The following COL5A1 variants were observed in gnomAD, a reference collection of about 807,000 sequenced individuals.
COL5A1 encodes the protein collagen type V alpha 1 chain.
In COL5A1, 16 loss-of-function variants were observed where a neutral mutation model predicts 263.7. The observed-to-expected ratio is 0.06, with a 90% CI of 0.04 to 0.09. The LOEUF (loss-of-function observed/expected upper bound fraction) is 0.09. COL5A1 is among the 10% of genes least tolerant of loss of function. The pLI is 1.00. For missense variants in COL5A1, 2,036 were observed against 2,540.5 expected (o/e 0.80, Z 4.27); for synonymous variants, 1,012 against 1,004.5 (o/e 1.01, Z -0.14).
At chr9:134,749,279 T>C (rs150853035) in intron 11 of COL5A1, among the ~76,000 whole-genome samples, 1,529 of 152,298 alleles carry the variant, frequency 0.01, 12 homozygotes, top group Middle Eastern at 0.02. Context: ...CACAGCCTCA[T>C]AGTGATGAAT....
chr9:134,668,426 G>A (rs77073881), intron 1 of COL5A1, among the ~76,000 whole-genome samples: 6 of 152,238 alleles, frequency 3.9e-5, no homozygotes, highest in East Asian at 1.9e-4. Flanking sequence ...TGGTCTTTGC[G>A]TGAGGCATTT....
chr9:134,804,845 T>G, intron 39 of COL5A1, 130 bp from the exon 40 acceptor site: 2 of 792,850 alleles, frequency 2.5e-6, no homozygotes, highest in Non-Finnish European at 4.3e-6. Flanking sequence ...TTGGCCTCGC[T>G]CTGGGACTGG....
In COL5A1 at chr9:134,642,705, T is replaced by C. The variant is rs912045457; in HGVS notation, c.109+409T>C. On this transcript the variant is annotated intron_variant, in intron 1 of 65. Coordinates refer to ENST00000371817, the MANE Select transcript of COL5A1 (RefSeq NM_000093.5). This position sits in a 1 kb window ranked among gnomAD's most constrained non-coding sequence, Gnocchi z 4.5. ...CTCCAAACCGGGCAGGGCCGCCCCC[T>C]AGAGTTACAGCCCTTCAAATCCCGG... 1.7e-4 allele frequency among the ~76,000 whole-genome samples: 26 copies of C among 152,148 alleles called. No homozygotes were observed. The highest frequency in any genetic ancestry group is 6.3e-4 in the African/African-American group (26 of 41,448).
At position 134,765,286 on chromosome 9, in the gene COL5A1, C is replaced by T. The variant is rs796905253; in HGVS notation, c.2035-395C>T. On this transcript the variant is annotated intron_variant, in intron 20 of 65. Transcript: ENST00000371817. This position sits in a 1 kb window ranked among gnomAD's most constrained non-coding sequence, Gnocchi z 5.1. ...GTCGCTGCGGAGGGGAATTCAGGAG[C>T]GAGCCGGTAATGAGGATAGGGCACA... Among the ~76,000 whole-genome samples, 14 of 152,218 alleles carry T rather than the reference C, an allele frequency of 9.2e-5. No individual in the cohort carries two copies. Among genetic ancestry groups the T allele is most frequent in the African/African-American group, 2.9e-4 (12 of 41,520 alleles).
intron 1 of COL5A1, among the ~76,000 whole-genome samples, chr9:134,645,706 C>T (rs1831453868): frequency 6.6e-6 from 1 of 152,238 alleles, no homozygotes; most frequent in African/African-American, 2.4e-5. Flanking sequence ...AGATGTCTTC[C>T]ATTCCTGCTG....
At chr9:134,707,486 G>A (rs1238436113) in intron 4 of COL5A1, among the ~76,000 whole-genome samples, 1 of 150,832 alleles carries the variant, frequency 6.6e-6, no homozygotes, top group East Asian at 2.0e-4. Flanking sequence ...GGGCAGGAGT[G>A]GGGCCTGTGC....
chr9:134,710,064 G>A (rs936271822), intron 4 of COL5A1, among the ~76,000 whole-genome samples: 1 of 152,238 alleles, frequency 6.6e-6, no homozygotes, highest in Non-Finnish European at 1.5e-5. Flanking sequence ...GGGCATCTGA[G>A]GGAGCCGCAG....
intron 6 of COL5A1, among the ~76,000 whole-genome samples, chr9:134,729,885 G>A (rs1834814033): frequency 6.6e-6 from 1 of 152,170 alleles, no homozygotes; most frequent in Admixed American, 6.5e-5. Flanking sequence ...AAGGTGACCT[G>A]GTCATCTCAC....
At chr9:134,830,205 C>T (rs772475324) in intron 64 of COL5A1, 161 bp downstream of exon 64, 48 of 1,592,426 alleles carry the variant, frequency 3.0e-5, no homozygotes, top group African/African-American at 1.3e-4. Flanking sequence ...CCGGCCACCT[C>T]GGCACTGCCT....
intron 37 of COL5A1, among the ~76,000 whole-genome samples, chr9:134,799,290 G>A (rs947165753): frequency 5.3e-5 from 8 of 152,206 alleles, no homozygotes; most frequent in Non-Finnish European, 1.5e-5. Context: ...CTAAAGGTGT[G>A]TTTCAGGAAA....
At position 134,754,266 on chromosome 9, in the gene COL5A1, CT is replaced by C; in HGVS notation, c.1774-6del. On this transcript the variant is annotated splice_region_variant and splice_polypyrimidine_tract_variant and intron_variant, in intron 15 of 65. Transcript: ENST00000371817. This position sits in a 1 kb window ranked among gnomAD's most constrained non-coding sequence, Gnocchi z 4.3. ...GCCACTGACCCTTTGTCTCTTACCC[CT>C]GGCAGGGTCCTCGAGGTGTGCAAGG... The C allele has an allele frequency of 6.2e-7, 1 of 1,613,786 alleles. No individual in the cohort carries two copies. The highest frequency in any genetic ancestry group is 8.5e-7 in the Non-Finnish European group (1 of 1,180,038).
At chr9:134,804,905 T>C (rs1271861168) in intron 39 of COL5A1, 70 bp from the exon 40 acceptor site, 32 of 1,372,428 alleles carry the variant, frequency 2.3e-5, no homozygotes, top group Non-Finnish European at 5.2e-6. Context: ...AGCCCTTGGC[T>C]TCGCTCTGGG....
rs137916278 is a variant in COL5A1, at chr9:134,812,066, C to T, written c.3691-383C>T. ...CATCCTCCATTCCCGTTTTATGTTA[C>T]GAGTGTGTTGAATGCCATTACACAT... On this transcript the variant is annotated intron_variant, in intron 46 of 65. Coordinates refer to ENST00000371817, the MANE Select transcript of COL5A1 (RefSeq NM_000093.5). Among the ~76,000 whole-genome samples, 6 of 152,282 alleles carry T rather than the reference C, an allele frequency of 3.9e-5. No homozygotes were observed. In the East Asian group the frequency reaches 7.7e-4, roughly 20 times the overall value.
rs563551545 is a variant in COL5A1 at position 134,766,626 on chromosome 9, G to C, written c.2133+128G>C. 109 of 958,864 alleles carry C rather than the reference G, an allele frequency of 1.1e-4. No homozygotes were observed. The South Asian group carries it at 1.7e-3, about 15-fold the overall frequency. 59.4% of individuals were successfully genotyped at this position (958,864 alleles called of 1,614,324 possible). A position where few individuals can be genotyped will look rare whatever the true frequency, so the allele number is the denominator to read the frequency against. ...ATGAAGGGCAGGTTGCAGACCCTCT[G>C]CTGTGGTGCCCACCCTCCAGTGGTG... On this transcript the variant is annotated intron_variant, in intron 22 of 65. Transcript: ENST00000371817.
At chr9:134,820,290 C>A (rs560872181) in intron 58 of COL5A1, 67 bp downstream of exon 58, 1 of 1,307,880 alleles carries the variant, frequency 7.6e-7, no homozygotes, top group Non-Finnish European at 1.1e-6. Flanking sequence ...GGGCAGGCAC[C>A]CAGGGGACAG....
intron 28 of COL5A1, among the ~76,000 whole-genome samples, chr9:134,781,253 C>G (rs1451775125): frequency 6.6e-6 from 1 of 152,250 alleles, no homozygotes; most frequent in Non-Finnish European, 1.5e-5. Flanking sequence ...TTAGTGTCTG[C>G]CCTTGTGGGA....
rs112379246 is a variant in COL5A1, at chr9:134,827,818, G to A, written c.5067+1914G>A. ...GCAGAGGCTGGGGGAGCCCGCGCTTGCCCACATCCCGGGACTCTTCCAGGA... is the reference window on the plus strand; with the variant it reads ...GCAGAGGCTGGGGGAGCCCGCGCTTACCCACATCCCGGGACTCTTCCAGGA... On this transcript the variant is annotated intron_variant, in intron 63 of 65. Coordinates refer to ENST00000371817, the MANE Select transcript of COL5A1 (RefSeq NM_000093.5). Among the ~76,000 whole-genome samples the A allele has an allele frequency of 4.3e-3, 648 of 152,362 alleles. 4 individuals carry two copies. Among genetic ancestry groups the A allele is most frequent in the African/African-American group, 0.015 (604 of 41,590 alleles).
intron 28 of COL5A1, among the ~76,000 whole-genome samples, chr9:134,781,667 C>T (rs1437270043): frequency 6.6e-6 from 1 of 152,196 alleles, no homozygotes; most frequent in African/African-American, 2.4e-5. Context: ...GCAGGCAGCC[C>T]GACATGGTCT....
chr9:134,739,090 C>T (rs145770931), intron 11 of COL5A1, among the ~76,000 whole-genome samples: 104 of 152,350 alleles, frequency 6.8e-4, no homozygotes, highest in African/African-American at 2.3e-3. Context: ...AGCAAACGGC[C>T]GCAGCAGCAG....
Sources: gnomAD v4.1 joint callset for allele counts (sites outside exome capture counted in the v4.1 genomes callset) on GRCh38, gnomAD v4.1.1 for gene constraint, Gnocchi (gnomAD v3.1) non-coding constraint, MANE v1.5 for transcripts, NCBI Gene and HGNC (gene_info 2026-07-23, HGNC 2026-07-21) for gene names.